The following PASD1 variants were observed in gnomAD, a reference collection of about 807,000 sequenced individuals.
PASD1 encodes PAS domain containing repressor 1, also known as circadian clock protein PASD1.
A neutral mutation model predicts 58.8 loss-of-function variants in PASD1; 13 were observed. The observed-to-expected ratio is 0.22, with a 90% confidence interval of 0.14 to 0.35. The LOEUF is 0.35. PASD1 is among the 10% of genes least tolerant of loss of function. PASD1 has a pLI of 1.00. For synonymous variants in PASD1, 236 were observed against 216.7 expected (o/e 1.09, Z -0.78); for missense variants, 734 against 568.3 (o/e 1.29, Z -2.96).
At chrX:151,586,179 G>A (rs765710312) in intron 1 of PASD1, among the ~76,000 whole-genome samples, 4 of 112,072 alleles carry the variant, frequency 3.6e-5, no homozygotes, top group Admixed American at 9.5e-5. Context: ...AAAAGCTTAG[G>A]TGGTGTTGTC....
rs55664238 is a variant in PASD1 at position 151,581,227 on chromosome X, CAAAAAAAAAA to C, written c.-28+17405_-28+17414del. Among the ~76,000 whole-genome samples, 16 of 31,500 alleles carry C rather than the reference CAAAAAAAAAA, an allele frequency of 5.1e-4. No individual in the cohort carries two copies. The East Asian group carries it at 0.064, about 126-fold the overall frequency. The allele number at this position is 31,500 out of a possible 115,157, so 27.4% of individuals were successfully genotyped here. On this transcript the variant is annotated intron_variant, in intron 1 of 15. Coordinates refer to ENST00000370357, the MANE Select transcript of PASD1 (RefSeq NM_173493.3). ...TAGGCAACAGAGTAAAGCTCTGTAT[CAAAAAAAAAA>C]AAAAAAAAAAAAAAAAGTAACAGAA...
intron 1 of PASD1, among the ~76,000 whole-genome samples, chrX:151,574,142 T>C (rs1441312580): frequency 8.9e-6 from 1 of 112,317 alleles, no homozygotes; most frequent in Non-Finnish European, 1.9e-5. Flanking sequence ...AGGTCACAAT[T>C]GTGCCAAACA....
chrX:151,613,967 T>C (rs1270281259), intron 4 of PASD1, among the ~76,000 whole-genome samples: 3 of 110,627 alleles, frequency 2.7e-5, no homozygotes, highest in Non-Finnish European at 5.7e-5. Context: ...TAACTTCATA[T>C]AGTAGAAGAA....
intron 8 of PASD1, among the ~76,000 whole-genome samples, chrX:151,631,615 G>T (rs977707115): frequency 2.7e-5 from 3 of 111,339 alleles, no homozygotes; most frequent in African/African-American, 9.8e-5. Flanking sequence ...ACCTGTGCTT[G>T]CAAAGTCCTC....
At chrX:151,675,100 G>A (rs184359824) in intron 15 of PASD1, among the ~76,000 whole-genome samples, 16 of 111,461 alleles carry the variant, frequency 1.4e-4, no homozygotes, top group African/African-American at 4.6e-4. Flanking sequence ...TATTTTTGAG[G>A]CACTTTCCCT....
At chrX:151,616,814 C>T (rs1280852454) in intron 4 of PASD1, among the ~76,000 whole-genome samples, 1 of 111,279 alleles carries the variant, frequency 9.0e-6, no homozygotes, top group Non-Finnish European at 1.9e-5. Flanking sequence ...CCTATTTTCC[C>T]TGAGAAGCTT....
chrX:151,672,381 C>A lies in PASD1; in HGVS notation c.1636C>A (p.Arg546=). Residue 546 remains arginine, a synonymous_variant, in exon 14 of 16, where the codon CGG becomes AGG. Transcript: ENST00000370357. ...RRQKKKKLQE[R]KKWQGQMLQK... is the part of the protein sequence containing the mutation. ...GCAAAAGAAGAAGAAGCTACAGGAG[C>A]GGAAGAAGTGGCAGGGGCAGATGCT... The A allele has an allele frequency of 1.7e-6, 2 of 1,206,298 alleles. No homozygotes were observed. Among genetic ancestry groups the A allele is most frequent in the Non-Finnish European group, 2.2e-6 (2 of 892,681 alleles).
intron 1 of PASD1, among the ~76,000 whole-genome samples, chrX:151,599,674 C>G (rs143084276): frequency 1.0e-5 from 1 of 99,854 alleles, no homozygotes; most frequent in South Asian, 4.9e-4. Flanking sequence ...ACGGGGCAGA[C>G]GGGCAGAGGC....
chrX:151,674,572 T>G (rs1468210473), intron 15 of PASD1, among the ~76,000 whole-genome samples: 1 of 112,622 alleles, frequency 8.9e-6, no homozygotes, highest in Non-Finnish European at 1.9e-5. Context: ...TATGTTTCCT[T>G]GTACTAAAAA....
At position 151,676,222 on chromosome X, in the gene PASD1, C is replaced by T. The variant is rs745555147; in HGVS notation, c.*79C>T. On this transcript the variant is annotated 3_prime_UTR_variant, in exon 16 of 16. Coordinates refer to ENST00000370357, the MANE Select transcript of PASD1 (RefSeq NM_173493.3). ...GAGGTCTGCATGGCCAGGGGACCTT[C>T]AAGGTGCGTAAAGTCCCTTGGGGTA... 4.8e-6 allele frequency: 5 copies of T among 1,048,050 alleles called. No homozygotes were observed. Among genetic ancestry groups the T allele is most frequent in the Non-Finnish European group, 3.9e-6 (3 of 772,204 alleles). The allele number at this position is 1,048,050 out of a possible 1,213,427, so 86.4% of individuals were successfully genotyped here. A position where few individuals can be genotyped will look rare whatever the true frequency, so the allele number is the denominator to read the frequency against.
At chrX:151,632,895 A>G (rs1399791104) in intron 8 of PASD1, among the ~76,000 whole-genome samples, 1 of 110,687 alleles carries the variant, frequency 9.0e-6, no homozygotes, top group East Asian at 2.8e-4. Flanking sequence ...AAGAAATAAG[A>G]TCTATATGTT....
At chrX:151,575,446 A>T (rs1410500229) in intron 1 of PASD1, among the ~76,000 whole-genome samples, 1 of 111,203 alleles carries the variant, frequency 9.0e-6, no homozygotes, top group Non-Finnish European at 1.9e-5. Context: ...ATCTGGATAG[A>T]CTATCCAGTG....
At chrX:151,653,942 T>C (rs868690902) in intron 9 of PASD1, among the ~76,000 whole-genome samples, 14 of 69,270 alleles carry the variant, frequency 2.0e-4, no homozygotes, top group Admixed American at 4.0e-4. Flanking sequence ...TTCTTTCTTT[T>C]TCTCTCTTTC....
chrX:151,611,396 C>T (rs2013555548), intron 3 of PASD1, among the ~76,000 whole-genome samples: 2 of 111,716 alleles, frequency 1.8e-5, no homozygotes, highest in Admixed American at 9.5e-5. Context: ...TCTTAGCTTG[C>T]ATTGGAGAAT....
chrX:151,659,836 G>T lies in PASD1; in HGVS notation c.841G>T (p.Ala281Ser). 1 of 1,204,063 alleles carries T rather than the reference G, an allele frequency of 8.3e-7. No individual in the cohort carries two copies. Among genetic ancestry groups the T allele is most frequent in the Non-Finnish European group, 1.1e-6 (1 of 890,772 alleles). ...CCTGGATACTATGCCTGAATCTCCA[G>T]GTAGGTACATTTATGCATTTGGATA... ...VFLDTMPESP[A>S]LSLQDFRGEP... Residue 281 changes from alanine to serine, a missense_variant and splice_region_variant, in exon 10 of 16, where the codon GCC becomes TCC. Physicochemically the swap from Ala to Ser is moderately conservative, Grantham distance 99 (BLOSUM62 1). Transcript: ENST00000370357.
At chrX:151,654,995 C>T (rs1305308381) in intron 9 of PASD1, among the ~76,000 whole-genome samples, 2 of 109,483 alleles carry the variant, frequency 1.8e-5, no homozygotes, top group African/African-American at 6.6e-5. Flanking sequence ...TAATGCTATC[C>T]CTCCCCACTC....
At chrX:151,564,499 A>G (rs2012798800) in intron 1 of PASD1, among the ~76,000 whole-genome samples, 1 of 111,035 alleles carries the variant, frequency 9.0e-6, no homozygotes, top group Non-Finnish European at 1.9e-5. Flanking sequence ...ATTTGGGCAC[A>G]CTTACACGGA....
At chrX:151,583,421 A>G (rs1306651158) in intron 1 of PASD1, among the ~76,000 whole-genome samples, 3 of 112,188 alleles carry the variant, frequency 2.7e-5, no homozygotes, top group South Asian at 3.7e-4. Flanking sequence ...TTATTGCTTA[A>G]ATATAAAAGT....
At chrX:151,660,973 G>T (rs945831508) in intron 10 of PASD1, among the ~76,000 whole-genome samples, 5 of 111,426 alleles carry the variant, frequency 4.5e-5, no homozygotes, top group Admixed American at 3.8e-4. Context: ...CTAACACGGT[G>T]AAACCCCGTC....
Sources: allele counts gnomAD v4.1 joint callset (sites outside exome capture counted in the v4.1 genomes callset), GRCh38; gene constraint gnomAD v4.1.1; transcripts MANE v1.5; gene names NCBI Gene and HGNC (gene_info 2026-07-23, HGNC 2026-07-21).